KCNT2: variants seen among roughly 807,000 people sequenced by gnomAD.
KCNT2 encodes the protein potassium sodium-activated channel subfamily T member 2.
A neutral mutation model predicts 153.8 loss-of-function variants in KCNT2; 67 were observed. The observed-to-expected ratio is 0.44, with a 90% CI of 0.36 to 0.53. KCNT2 has a LOEUF of 0.53. Among genes scored for constraint, KCNT2 ranks in the 20% least tolerant of loss-of-function variants. KCNT2 has a pLI of 0.00. For missense variants in KCNT2, 975 were observed against 1,354.8 expected (o/e 0.72, Z 4.40); for synonymous variants, 500 against 458.8 (o/e 1.09, Z -1.15).
chr1:196,278,904 G>A (rs1369266261), intron 25 of KCNT2, among the ~76,000 whole-genome samples: 1 of 152,160 alleles, frequency 6.6e-6, no homozygotes, highest in Non-Finnish European at 1.5e-5. Context: ...TGGGGCTTTG[G>A]GAAGGTGATT....
intron 11 of KCNT2, among the ~76,000 whole-genome samples, chr1:196,424,328 T>C (rs1673463237): frequency 6.6e-6 from 1 of 151,966 alleles, no homozygotes; most frequent in Non-Finnish European, 1.5e-5. Context: ...TTGAACATAA[T>C]ATGAATGTTA....
At chr1:196,514,039 G>A (rs534577459) in intron 1 of KCNT2, among the ~76,000 whole-genome samples, 1 of 152,244 alleles carries the variant, frequency 6.6e-6, no homozygotes, top group South Asian at 2.1e-4. Flanking sequence ...CTAAATATGA[G>A]CCTCATCAAG....
intron 1 of KCNT2, among the ~76,000 whole-genome samples, chr1:196,543,302 G>T (rs1334316889): frequency 6.6e-6 from 1 of 152,086 alleles, no homozygotes; most frequent in Admixed American, 6.6e-5. Flanking sequence ...CACTGCAGTT[G>T]TGAGGATTCT....
At chr1:196,529,646 T>C (rs2148845001) in intron 1 of KCNT2, among the ~76,000 whole-genome samples, 1 of 152,244 alleles carries the variant, frequency 6.6e-6, no homozygotes, top group Non-Finnish European at 1.5e-5. Flanking sequence ...GATTCTAATT[T>C]CTTTAATGGT....
chr1:196,533,369 G>T (rs111449314), intron 1 of KCNT2, among the ~76,000 whole-genome samples: 8,762 of 152,072 alleles, frequency 0.058, 392 homozygotes, highest in Non-Finnish European at 0.085. Flanking sequence ...TTATTTCTCT[G>T]TGGAGAGGTC....
intron 14 of KCNT2, among the ~76,000 whole-genome samples, chr1:196,355,245 G>A (rs899396556): frequency 1.3e-5 from 2 of 151,242 alleles, no homozygotes; most frequent in Non-Finnish European, 1.5e-5. Flanking sequence ...TGGTCTACTA[G>A]GAAGATGCTT....
chr1:196,550,734 A>T (rs1657781446), intron 1 of KCNT2, among the ~76,000 whole-genome samples: 2 of 151,802 alleles, frequency 1.3e-5, no homozygotes, highest in African/African-American at 4.8e-5. Flanking sequence ...TTTCTGCTCA[A>T]TTATCATGGG....
rs533230418 is a variant in KCNT2 at position 196,334,487 on chromosome 1, C to CTTTTTTTTTT, written c.1784-437_1784-428dup. Among the ~76,000 whole-genome samples the CTTTTTTTTTT allele has an allele frequency of 6.2e-3, 539 of 87,202 alleles. 73 individuals carry two copies. The highest frequency in any genetic ancestry group is 0.021 in the African/African-American group (489 of 22,924). The allele number at this position is 87,202 out of a possible 152,430, so 57.2% of individuals were successfully genotyped here. ...TTTTCTTTTATTTCTTTCTTTCTTTCTTTTTTTTTTTTAAGACAGAGTCTC... is the reference window on the plus strand; with the variant it reads ...TTTTCTTTTATTTCTTTCTTTCTTTCTTTTTTTTTTTTTTTTTTTTTTAAGACAGAGTCTC... On this transcript the variant is annotated intron_variant, in intron 16 of 27. Coordinates refer to ENST00000294725, the MANE Select transcript of KCNT2 (RefSeq NM_198503.5).
chr1:196,340,250 A>G (rs139247009), intron 16 of KCNT2, 91 bp downstream of exon 16: 30,908 of 824,368 alleles, frequency 0.037, 776 homozygotes, highest in Non-Finnish European at 0.045. Flanking sequence ...TTTTCTTTAA[A>G]CTTTTAATAA....
intron 1 of KCNT2, among the ~76,000 whole-genome samples, chr1:196,525,650 A>C (rs1036506068): frequency 2.0e-5 from 3 of 152,204 alleles, no homozygotes; most frequent in African/African-American, 7.2e-5. Context: ...TAAATTTGTG[A>C]ATTCATGAGG....
At chr1:196,295,649 T>C (rs981303446) in intron 22 of KCNT2, among the ~76,000 whole-genome samples, 3 of 151,932 alleles carry the variant, frequency 2.0e-5, no homozygotes, top group African/African-American at 7.2e-5. Flanking sequence ...TTAACTACAG[T>C]ATAAGTGTAA....
chr1:196,582,988 A>T (rs1004097278), intron 1 of KCNT2, among the ~76,000 whole-genome samples: 2 of 152,092 alleles, frequency 1.3e-5, no homozygotes, highest in Non-Finnish European at 2.9e-5. Context: ...AGATTATGTA[A>T]GTGATAACTG....
chr1:196,541,307 C>T (rs1463670698), intron 1 of KCNT2, among the ~76,000 whole-genome samples: 1 of 151,806 alleles, frequency 6.6e-6, no homozygotes, highest in Non-Finnish European at 1.5e-5. Context: ...CATTATATAA[C>T]CCAACAATAT....
At chr1:196,405,301 G>A (rs999788035) in intron 12 of KCNT2, among the ~76,000 whole-genome samples, 2 of 151,330 alleles carry the variant, frequency 1.3e-5, no homozygotes, top group African/African-American at 2.4e-5. Context: ...GAATAAAAAT[G>A]CTGTAATAAT....
At chr1:196,302,032 G>T (rs146253294) in intron 22 of KCNT2, among the ~76,000 whole-genome samples, 2 of 152,078 alleles carry the variant, frequency 1.3e-5, no homozygotes, top group African/African-American at 4.8e-5. Context: ...GAACCACCAC[G>T]CCCAGCTGTG....
At chr1:196,350,139 T>G (rs556070587) in intron 14 of KCNT2, among the ~76,000 whole-genome samples, 15 of 152,254 alleles carry the variant, frequency 9.9e-5, no homozygotes, top group African/African-American at 3.4e-4. Flanking sequence ...CAAGTCTTAG[T>G]TATTGTGAAT....
chr1:196,390,890 C>CTTT (rs61134739), intron 13 of KCNT2, among the ~76,000 whole-genome samples: 292 of 124,124 alleles, frequency 2.4e-3, no homozygotes, highest in African/African-American at 3.6e-3. Context: ...CTCATTCATT[C>CTTT]TTTTTTTTTT....
At chr1:196,583,097 C>T (rs1395057066) in intron 1 of KCNT2, among the ~76,000 whole-genome samples, 1 of 151,850 alleles carries the variant, frequency 6.6e-6, no homozygotes, top group Non-Finnish European at 1.5e-5. Flanking sequence ...CCAATGGCAG[C>T]CAGAAGGAAG....
intron 26 of KCNT2, among the ~76,000 whole-genome samples, chr1:196,252,983 C>G (rs1400329732): frequency 6.6e-6 from 1 of 151,030 alleles, no homozygotes; most frequent in Admixed American, 6.6e-5. Flanking sequence ...GAAACATTTT[C>G]AGCAGTTTTG....
Sources: gnomAD v4.1 joint callset for allele counts (sites outside exome capture counted in the v4.1 genomes callset) on GRCh38, gnomAD v4.1.1 for gene constraint, MANE v1.5 for transcripts, NCBI Gene and HGNC (gene_info 2026-07-23, HGNC 2026-07-21) for gene names.